Variants in DMXL2 observed in about 807,000 individuals in gnomAD.
The protein encoded by DMXL2 is dmX-like protein 2.
A neutral mutation model predicts 331.1 loss-of-function variants in DMXL2; 103 were observed. The ratio of observed to expected loss-of-function variants is 0.31; its 90% CI spans 0.27 to 0.37. The LOEUF is 0.37. Ranked by LOEUF, DMXL2 falls within the 10% of genes least tolerant of loss-of-function variation. The pLI is 1.00. For missense variants in DMXL2, 3,171 were observed against 3,642.9 expected, an observed-to-expected ratio of 0.87 and a Z score of 3.33; for synonymous variants, 1,281 against 1,252.1, an observed-to-expected ratio of 1.02 and a Z score of -0.49.
At chr15:51,607,763 A>G (rs559765644) in intron 1 of DMXL2, among the ~76,000 whole-genome samples, 1 of 152,364 alleles carries the variant, frequency 6.6e-6, no homozygotes, top group Non-Finnish European at 1.5e-5. Context: ...AAGAACCAAC[A>G]GTAAATTAGC....
intron 19 of DMXL2, 47 bp from the exon 20 acceptor site, chr15:51,491,794 A>G (rs1380750662): frequency 6.6e-7 from 1 of 1,512,606 alleles, no homozygotes; most frequent in Non-Finnish European, 8.9e-7. Flanking sequence ...GTATCAAATA[A>G]GAAGAAAAAC....
At chr15:51,613,190 G>A (rs183255817) in intron 1 of DMXL2, among the ~76,000 whole-genome samples, 171 of 152,238 alleles carry the variant, frequency 1.1e-3, no homozygotes, top group African/African-American at 3.4e-3. Flanking sequence ...CTCAGCTTAC[G>A]AAGATGACGG....
At position 51,622,731 on chromosome 15, in the gene DMXL2, G is replaced by C. The variant is rs1317357222; in HGVS notation, c.-186C>G. ...CTCGTCCCTGCCATGGGAGCTCCTC[G>C]ACCGCCGCCGCCGCCCGGGTCGCCG... On this transcript the variant is annotated 5_prime_UTR_variant, in exon 1 of 44. Coordinates refer to ENST00000560891, the MANE Select transcript of DMXL2 (RefSeq NM_001378457.1). The C allele has an allele frequency of 1.1e-5, 13 of 1,174,718 alleles. No homozygotes were observed. The highest frequency in any genetic ancestry group is 3.2e-5 in the Admixed American group (1 of 31,080). 72.8% of individuals were successfully genotyped at this position (1,174,718 alleles called of 1,614,324 possible). A position where few individuals can be genotyped will look rare whatever the true frequency, so the allele number is the denominator to read the frequency against.
At chr15:51,508,290 A>G (rs1033106087) in intron 15 of DMXL2, among the ~76,000 whole-genome samples, 46 of 152,218 alleles carry the variant, frequency 3.0e-4, no homozygotes, top group Admixed American at 6.5e-5. Flanking sequence ...ACAAACCTGC[A>G]TGTTCTGCAC....
chr15:51,460,864 A>G (rs2040051373), intron 33 of DMXL2, among the ~76,000 whole-genome samples: 1 of 152,194 alleles, frequency 6.6e-6, no homozygotes, highest in Non-Finnish European at 1.5e-5. Flanking sequence ...GAGCTATTCA[A>G]AACAGCAATC....
chr15:51,596,547 T>G (rs559967017), intron 1 of DMXL2, among the ~76,000 whole-genome samples: 3 of 152,274 alleles, frequency 2.0e-5, no homozygotes, highest in South Asian at 2.1e-4. Flanking sequence ...GAAATACCAT[T>G]TGACCCAGCA....
intron 18 of DMXL2, among the ~76,000 whole-genome samples, chr15:51,496,271 C>G (rs554434666): frequency 4.6e-5 from 7 of 152,116 alleles, no homozygotes; most frequent in African/African-American, 1.7e-4. Flanking sequence ...GAGGTAGAGA[C>G]AAACAATAAA....
At chr15:51,507,388 GT>G in intron 15 of DMXL2, 135 bp from the exon 16 acceptor site, 3 of 791,656 alleles carry the variant, frequency 3.8e-6, no homozygotes, top group Non-Finnish European at 5.6e-6. Flanking sequence ...TTAAGGAGGA[GT>G]TTTATATAAT....
chr15:51,550,406 T>C (rs1015665128), intron 6 of DMXL2, among the ~76,000 whole-genome samples: 3 of 152,174 alleles, frequency 2.0e-5, no homozygotes, highest in South Asian at 2.1e-4. Context: ...TACATTTACA[T>C]AGTATGAAGT....
At chr15:51,594,406 A>G (rs2052630280) in intron 1 of DMXL2, among the ~76,000 whole-genome samples, 1 of 152,236 alleles carries the variant, frequency 6.6e-6, no homozygotes, top group African/African-American at 2.4e-5. Flanking sequence ...CAGGCTCTGA[A>G]ATTGAGGCAA....
intron 32 of DMXL2, 70 bp downstream of exon 32, chr15:51,464,605 A>G: frequency 7.5e-7 from 1 of 1,327,454 alleles, no homozygotes; most frequent in South Asian, 1.3e-5. Flanking sequence ...GTATATTGGC[A>G]TATTTAGCCA....
chr15:51,457,559 CTTTAT>C, intron 36 of DMXL2, 93 bp from the exon 37 acceptor site: 1 of 1,417,280 alleles, frequency 7.1e-7, no homozygotes, highest in Admixed American at 2.1e-5. Flanking sequence ...ATAGGACAAT[CTTTAT>C]TTTAAAAACT....
At chr15:51,520,395 A>G (rs2047286651) in intron 13 of DMXL2, among the ~76,000 whole-genome samples, 1 of 152,250 alleles carries the variant, frequency 6.6e-6, no homozygotes, top group South Asian at 2.1e-4. Context: ...CATTTTTAAA[A>G]TAATATGTAT....
chr15:51,611,658 C>T (rs2053978601), intron 1 of DMXL2, among the ~76,000 whole-genome samples: 3 of 152,288 alleles, frequency 2.0e-5, no homozygotes, highest in African/African-American at 4.8e-5. Flanking sequence ...AACTAGGTGG[C>T]CTTCATTAAA....
intron 24 of DMXL2, 133 bp from the exon 25 acceptor site, chr15:51,480,272 C>T (rs1176805248): frequency 5.3e-6 from 5 of 939,822 alleles, no homozygotes; most frequent in Non-Finnish European, 7.8e-6. Context: ...ATTTATTGAG[C>T]ACCCAGTATG....
At chr15:51,492,638 G>A (rs545135541) in intron 19 of DMXL2, among the ~76,000 whole-genome samples, 11 of 152,070 alleles carry the variant, frequency 7.2e-5, no homozygotes, top group African/African-American at 2.7e-4. Flanking sequence ...ACTGATATTC[G>A]ACTTACAGCA....
chr15:51,591,154 G>T (rs4438255), intron 1 of DMXL2, among the ~76,000 whole-genome samples: 1 of 152,062 alleles, frequency 6.6e-6, no homozygotes, highest in African/African-American at 2.4e-5. Flanking sequence ...CCCAGGAAGC[G>T]CAAGGGGTCA....
intron 28 of DMXL2, among the ~76,000 whole-genome samples, chr15:51,473,497 G>C (rs1406251558): frequency 1.3e-5 from 2 of 152,156 alleles, no homozygotes; most frequent in Non-Finnish European, 2.9e-5. Context: ...TGATGGGAAT[G>C]GAAGCAGTGG....
intron 16 of DMXL2, among the ~76,000 whole-genome samples, chr15:51,503,920 T>G (rs949520615): frequency 6.6e-6 from 1 of 152,156 alleles, no homozygotes; most frequent in Non-Finnish European, 1.5e-5. Flanking sequence ...GTTACCCTGA[T>G]AAGCTTAAAT....
Sources: gnomAD v4.1 joint callset for allele counts (sites outside exome capture counted in the v4.1 genomes callset) on GRCh38, gnomAD v4.1.1 for gene constraint, MANE v1.5 for transcripts, NCBI Gene and HGNC (gene_info 2026-07-23, HGNC 2026-07-21) for gene names.